Variants in SLC9A7 observed in about 807,000 individuals in gnomAD.
SLC9A7 encodes solute carrier family 9 member A7, also known as sodium/hydrogen exchanger 7.
A neutral mutation model predicts 52.6 loss-of-function variants in SLC9A7; 19 were observed. That is an observed-to-expected ratio of 0.36 (90% confidence interval 0.25 to 0.53). The LOEUF (loss-of-function observed/expected upper bound fraction) is 0.53, where lower values mean the gene tolerates loss of function less well. Among genes scored for constraint, SLC9A7 ranks in the 20% least tolerant of loss-of-function variants. SLC9A7 has a pLI of 0.91. For synonymous variants in SLC9A7, 226 were observed against 252.1 expected, an observed-to-expected ratio of 0.90 and a Z score of 0.98; for missense variants, 455 against 597.9, an observed-to-expected ratio of 0.76 and a Z score of 2.49.
chrX:46,688,983 A>T (rs770912070), intron 1 of SLC9A7, among the ~76,000 whole-genome samples: 8 of 108,455 alleles, frequency 7.4e-5, no homozygotes, highest in Middle Eastern at 4.8e-3. Context: ...TTGTCTTAAA[A>T]TTTTTTTTTT....
At chrX:46,722,921 G>A in intron 1 of SLC9A7, among the ~76,000 whole-genome samples, 1 of 112,018 alleles carries the variant, frequency 8.9e-6, no homozygotes. Flanking sequence ...TTCATTTGGT[G>A]CAAAATATGA....
chrX:46,631,665 G>T lies in SLC9A7; in HGVS notation c.1677-16C>A. ...AACACCAACTCTGAAAGTCACCAGGGAGAAAGACAAAGAGAAAAACAGAGC... is the reference window on the plus strand; with the variant it reads ...AACACCAACTCTGAAAGTCACCAGGTAGAAAGACAAAGAGAAAAACAGAGC... On this transcript the variant is annotated splice_polypyrimidine_tract_variant and intron_variant, in intron 13 of 16. Transcript: ENST00000616978. 8.4e-7 allele frequency: 1 copy of T among 1,191,843 alleles called. No homozygotes were observed.
chrX:46,616,138 T>C (rs1332003815), intron 15 of SLC9A7, among the ~76,000 whole-genome samples: 1 of 102,936 alleles, frequency 9.7e-6, no homozygotes, highest in Non-Finnish European at 2.0e-5. Flanking sequence ...CTGGGCAACA[T>C]GGTGAAACCT....
chrX:46,682,960 A>ATTTTTTTTTTTTTTTTTTTTTTTTT (rs1169630244), intron 1 of SLC9A7, among the ~76,000 whole-genome samples: 16 of 64,906 alleles, frequency 2.5e-4, no homozygotes, highest in Non-Finnish European at 3.6e-4. Flanking sequence ...CACCCGGCTA[A>ATTTTTTTTTTTTTTTTTTTTTTTTT]TTTTTTTTTT....
intron 1 of SLC9A7, among the ~76,000 whole-genome samples, chrX:46,719,166 C>T (rs1227090097): frequency 4.6e-5 from 5 of 109,839 alleles, no homozygotes; most frequent in Admixed American, 9.8e-5. Flanking sequence ...AAGCTAGAAA[C>T]CATCATTCTG....
intron 1 of SLC9A7, among the ~76,000 whole-genome samples, chrX:46,743,128 G>T (rs925419562): frequency 9.0e-6 from 1 of 111,705 alleles, no homozygotes; most frequent in African/African-American, 3.3e-5. Flanking sequence ...GAAGCCTCAA[G>T]AACACAAAAA....
intron 14 of SLC9A7, 36 bp downstream of exon 14, chrX:46,631,550 T>A (rs773724592): frequency 8.8e-7 from 1 of 1,136,241 alleles, no homozygotes; most frequent in Non-Finnish European, 1.2e-6. Context: ...AATGCTCAAA[T>A]GTCTTCCCCA....
intron 11 of SLC9A7, among the ~76,000 whole-genome samples, chrX:46,646,301 G>A (rs1943491546): frequency 9.0e-6 from 1 of 110,987 alleles, no homozygotes; most frequent in African/African-American, 3.3e-5. Context: ...ACAAAGCCCT[G>A]GTAAAAACCC....
At chrX:46,723,334 A>G (rs1017950720) in intron 1 of SLC9A7, among the ~76,000 whole-genome samples, 7 of 109,201 alleles carry the variant, frequency 6.4e-5, no homozygotes, top group African/African-American at 1.3e-4. Context: ...AAGAAAGAAA[A>G]AAAACAGAAA....
At chrX:46,735,700 CAA>C (rs1166000789) in intron 1 of SLC9A7, among the ~76,000 whole-genome samples, 5 of 111,398 alleles carry the variant, frequency 4.5e-5, no homozygotes, top group African/African-American at 1.6e-4. Flanking sequence ...TTGTTTGTCT[CAA>C]AAAGTCTTTT....
At chrX:46,648,969 A>T (rs1041096536) in intron 10 of SLC9A7, among the ~76,000 whole-genome samples, 172 bp from the exon 11 acceptor site, 1 of 111,739 alleles carries the variant, frequency 8.9e-6, no homozygotes, top group African/African-American at 3.3e-5. Context: ...CTCAGCAACA[A>T]AATGGGACTA....
At chrX:46,740,063 T>G (rs1029560671) in intron 1 of SLC9A7, among the ~76,000 whole-genome samples, 1 of 112,005 alleles carries the variant, frequency 8.9e-6, no homozygotes, top group Non-Finnish European at 1.9e-5. Context: ...AGACTTGTTT[T>G]AAATGTGTAT....
At chrX:46,614,720 A>G (rs1415308053) in intron 15 of SLC9A7, among the ~76,000 whole-genome samples, 1 of 111,901 alleles carries the variant, frequency 8.9e-6, no homozygotes, top group African/African-American at 3.2e-5. Context: ...AGCTCCATGA[A>G]GCACCAGCCA....
chrX:46,627,591 C>T (rs1943151279), intron 14 of SLC9A7, among the ~76,000 whole-genome samples: 2 of 111,867 alleles, frequency 1.8e-5, no homozygotes, highest in Admixed American at 9.5e-5. Flanking sequence ...GATTCATCTA[C>T]CTTGTTGCAG....
intron 1 of SLC9A7, among the ~76,000 whole-genome samples, chrX:46,730,229 A>G (rs1945005866): frequency 8.9e-6 from 1 of 111,906 alleles, no homozygotes; most frequent in South Asian, 3.7e-4. Flanking sequence ...AGACAGAAAT[A>G]TAGTAAGAAT....
intron 1 of SLC9A7, among the ~76,000 whole-genome samples, chrX:46,712,551 C>T (rs1168263940): frequency 2.7e-5 from 3 of 111,851 alleles, no homozygotes; most frequent in Non-Finnish European, 5.6e-5. Context: ...GGTCACATTT[C>T]AACATGAGAT....
rs761687319 is a variant in SLC9A7, at chrX:46,599,277, A to C, written c.*7675T>G. 3.6e-5 allele frequency: 4 copies of C among 112,033 alleles called. No homozygotes were observed. The South Asian group carries it at 1.5e-3, about 42-fold the overall frequency. The allele number at this position is 112,033 out of a possible 1,213,427, so 9.2% of individuals were successfully genotyped here. A position where few individuals can be genotyped will look rare whatever the true frequency, so the allele number is the denominator to read the frequency against. On this transcript the variant is annotated 3_prime_UTR_variant, in exon 17 of 17. Transcript: ENST00000616978. ...CATGCCAATAAAACTTTATTTACAAAAAAAGGCAGTGGGCTGGACTTGGTT... is the reference window on the plus strand; with the variant it reads ...CATGCCAATAAAACTTTATTTACAACAAAAGGCAGTGGGCTGGACTTGGTT...
chrX:46,693,674 G>GA (rs1360294704), intron 1 of SLC9A7, among the ~76,000 whole-genome samples: 5 of 110,120 alleles, frequency 4.5e-5, no homozygotes, highest in Admixed American at 2.9e-4. Context: ...AAGCCTAGGG[G>GA]AAAAAATCTG....
At chrX:46,732,885 T>C (rs1165561337) in intron 1 of SLC9A7, among the ~76,000 whole-genome samples, 1 of 111,852 alleles carries the variant, frequency 8.9e-6, no homozygotes, top group Middle Eastern at 4.2e-3. Context: ...CACGCAGCTA[T>C]GAAAGAAAAG....
Sources: allele counts gnomAD v4.1 joint callset (sites outside exome capture counted in the v4.1 genomes callset), GRCh38; gene constraint gnomAD v4.1.1; transcripts MANE v1.5; gene names NCBI Gene and HGNC (gene_info 2026-07-23, HGNC 2026-07-21).